Variants in L3MBTL4 observed in about 807,000 individuals in gnomAD.
L3MBTL4 encodes the protein L3MBTL histone methyl-lysine binding protein 4, also known as lethal(3)malignant brain tumor-like protein 4.
L3MBTL4 carries 70 observed loss-of-function variants against 84.5 expected under a neutral mutation model. The ratio of observed to expected loss-of-function variants is 0.83; its 90% CI spans 0.68 to 1.01. L3MBTL4 has a LOEUF of 1.01. Among genes scored for constraint, L3MBTL4 ranks in the 50% least tolerant of loss-of-function variants. The pLI, the probability that L3MBTL4 is intolerant of heterozygous loss-of-function variation, is 0.00. For missense variants in L3MBTL4, 715 were observed against 754.8 expected (o/e 0.95, Z 0.62); for synonymous variants, 274 against 259.8 (o/e 1.05, Z -0.52).
chr18:6,044,337 C>A (rs1441015734), intron 16 of L3MBTL4, among the ~76,000 whole-genome samples: 1 of 152,214 alleles, frequency 6.6e-6, no homozygotes, highest in Non-Finnish European at 1.5e-5. Context: ...TGAAAATACA[C>A]ATCTTTCATT....
At chr18:6,167,002 C>T (rs1366564632) in intron 13 of L3MBTL4, among the ~76,000 whole-genome samples, 1 of 152,202 alleles carries the variant, frequency 6.6e-6, no homozygotes, top group Non-Finnish European at 1.5e-5. Flanking sequence ...GATATCACCA[C>T]CGATCCCACA....
intron 16 of L3MBTL4, among the ~76,000 whole-genome samples, chr18:5,972,703 G>GA (rs1359252206): frequency 6.6e-6 from 1 of 152,174 alleles, no homozygotes; most frequent in Non-Finnish European, 1.5e-5. Flanking sequence ...AGGTCTAGCT[G>GA]AAAAAATGCT....
chr18:6,067,959 G>GT, intron 16 of L3MBTL4, among the ~76,000 whole-genome samples: 1 of 151,994 alleles, frequency 6.6e-6, no homozygotes, highest in Non-Finnish European at 1.5e-5. Context: ...ATTTGACTGT[G>GT]TTTTTTTCTT....
intron 14 of L3MBTL4, among the ~76,000 whole-genome samples, chr18:6,129,546 C>T (rs2059811454): frequency 6.6e-6 from 1 of 152,080 alleles, no homozygotes; most frequent in Non-Finnish European, 1.5e-5. Flanking sequence ...GTATAGATTT[C>T]TCTCTGAACA....
intron 1 of L3MBTL4, among the ~76,000 whole-genome samples, chr18:6,402,588 C>A (rs946459928): frequency 1.3e-5 from 2 of 152,090 alleles, no homozygotes; most frequent in African/African-American, 4.8e-5. Flanking sequence ...AAAAGTTTAA[C>A]CTCTGGTGCC....
At chr18:6,009,287 G>A (rs1271522974) in intron 16 of L3MBTL4, among the ~76,000 whole-genome samples, 1 of 152,172 alleles carries the variant, frequency 6.6e-6, no homozygotes, top group Non-Finnish European at 1.5e-5. Flanking sequence ...ATGTGCCTTG[G>A]AGGAGCAATG....
intron 15 of L3MBTL4, among the ~76,000 whole-genome samples, chr18:6,088,643 T>A (rs1395266546): frequency 6.6e-6 from 1 of 152,018 alleles, no homozygotes; most frequent in East Asian, 1.9e-4. Flanking sequence ...AAAGTGAAAG[T>A]AAGAAGTGAG....
intron 1 of L3MBTL4, among the ~76,000 whole-genome samples, chr18:6,377,848 T>C (rs1334804827): frequency 6.6e-6 from 1 of 152,244 alleles, no homozygotes; most frequent in East Asian, 1.9e-4. Flanking sequence ...AGTAATGGGA[T>C]GGCTAGGTCA....
intron 12 of L3MBTL4, among the ~76,000 whole-genome samples, chr18:6,188,657 T>A (rs2044905836): frequency 6.6e-6 from 1 of 152,152 alleles, no homozygotes; most frequent in Non-Finnish European, 1.5e-5. Context: ...GGATGGACTT[T>A]GACAGAGGAA....
chr18:6,031,285 G>C (rs1747618820), intron 16 of L3MBTL4: 1 of 985,348 alleles, frequency 1.0e-6, no homozygotes, highest in South Asian at 4.7e-5. Context: ...ATGGTGAACA[G>C]TGTTCTTGTG....
chr18:6,282,654 A>G (rs1295445836), intron 4 of L3MBTL4, among the ~76,000 whole-genome samples: 2 of 152,164 alleles, frequency 1.3e-5, no homozygotes, highest in African/African-American at 2.4e-5. Flanking sequence ...TCCTACAGGC[A>G]ATGGGAAGCA....
intron 12 of L3MBTL4, among the ~76,000 whole-genome samples, chr18:6,200,325 G>A (rs915053023): frequency 2.0e-5 from 3 of 152,172 alleles, no homozygotes; most frequent in Non-Finnish European, 4.4e-5. Context: ...GTGGGCACAC[G>A]CTGTAGGAGG....
At chr18:6,329,257 C>A (rs1599660563) in intron 1 of L3MBTL4, among the ~76,000 whole-genome samples, 1 of 150,844 alleles carries the variant, frequency 6.6e-6, no homozygotes, top group Non-Finnish European at 1.5e-5. Flanking sequence ...GGGTTCACGC[C>A]ATTCTCCTGC....
chr18:6,384,663 T>C (rs990733682), intron 1 of L3MBTL4, among the ~76,000 whole-genome samples: 1 of 152,242 alleles, frequency 6.6e-6, no homozygotes, highest in East Asian at 1.9e-4. Flanking sequence ...CTGTTCTGAA[T>C]ATAGGCCAAA....
intron 9 of L3MBTL4, 39 bp from the exon 10 acceptor site, chr18:6,238,079 T>C: frequency 6.4e-7 from 1 of 1,551,502 alleles, no homozygotes; most frequent in Non-Finnish European, 8.9e-7. Context: ...CCGTTTTACT[T>C]CATGCCAGAG....
chr18:6,312,520 A>G (rs1449814593), intron 1 of L3MBTL4, among the ~76,000 whole-genome samples: 1 of 152,146 alleles, frequency 6.6e-6, no homozygotes. Context: ...ACAGTTGTTC[A>G]GACTGTACAC....
chr18:6,401,058 A>G (rs980532987), intron 1 of L3MBTL4, among the ~76,000 whole-genome samples: 2 of 152,158 alleles, frequency 1.3e-5, no homozygotes. Context: ...ATCATTAATT[A>G]GCAAAAGACT....
chr18:5,971,652 G>A (rs951019273), intron 16 of L3MBTL4, among the ~76,000 whole-genome samples: 5 of 152,174 alleles, frequency 3.3e-5, no homozygotes, highest in Non-Finnish European at 7.3e-5. Context: ...CACAAAAACC[G>A]GAAAGCTGTG....
chr18:6,382,424 A>AT (rs1446354693), intron 1 of L3MBTL4, among the ~76,000 whole-genome samples: 1 of 151,880 alleles, frequency 6.6e-6, no homozygotes, highest in South Asian at 2.1e-4. Context: ...AGTTTTTGGA[A>AT]TTTTCAGCCT....
Sources: allele counts gnomAD v4.1 joint callset (sites outside exome capture counted in the v4.1 genomes callset), GRCh38; gene constraint gnomAD v4.1.1; transcripts MANE v1.5; gene names NCBI Gene and HGNC (gene_info 2026-07-23, HGNC 2026-07-21).